The following SLC12A8 variants were observed in gnomAD, a reference collection of about 807,000 sequenced individuals.
The protein encoded by SLC12A8 is solute carrier family 12 member 8.
Under a neutral mutation model 75.6 loss-of-function variants are expected in SLC12A8, and 69 were observed. The ratio of observed to expected loss-of-function variants is 0.91; its 90% CI spans 0.75 to 1.11. The LOEUF (loss-of-function observed/expected upper bound fraction) is 1.11, where lower values mean the gene tolerates loss of function less well. Among genes scored for constraint, SLC12A8 ranks in the 50% most tolerant of loss-of-function variants. SLC12A8 has a pLI of 0.00. For synonymous variants in SLC12A8, 365 were observed against 372.8 expected (o/e 0.98, Z 0.24); for missense variants, 877 against 896.7 (o/e 0.98, Z 0.28).
Position 125,110,182 on chromosome 3 carries a change from TAC to T in SLC12A8, c.1059+5_1059+6del. 1 of 1,606,366 alleles carries T rather than the reference TAC, an allele frequency of 6.2e-7. No individual in the cohort carries two copies. Among genetic ancestry groups the T allele is most frequent in the Admixed American group, 1.7e-5 (1 of 59,042 alleles). On this transcript the variant is annotated splice_donor_5th_base_variant and intron_variant, in intron 9 of 13. Transcript: ENST00000469902. ...AAAAAACAAACCAAAAAAAGAGGATTACTCACCCCTTGTCCCAGACAGGCAAG... is the reference window on the plus strand; with the variant it reads ...AAAAAACAAACCAAAAAAAGAGGATTTCACCCCTTGTCCCAGACAGGCAAG...
At chr3:125,130,300 A>G (rs1319562244) in intron 6 of SLC12A8, among the ~76,000 whole-genome samples, 2 of 152,110 alleles carry the variant, frequency 1.3e-5, no homozygotes, top group African/African-American at 4.8e-5. Context: ...AAAAGTGAAT[A>G]TAGGCCAGGC....
At chr3:125,147,010 C>T (rs1328084151) in intron 5 of SLC12A8, among the ~76,000 whole-genome samples, 4 of 152,162 alleles carry the variant, frequency 2.6e-5, no homozygotes, top group African/African-American at 9.7e-5. Flanking sequence ...CGGGAGTTTG[C>T]CGACGTCTGG....
intron 4 of SLC12A8, among the ~76,000 whole-genome samples, chr3:125,184,692 G>A (rs1934735950): frequency 6.6e-6 from 1 of 151,740 alleles, no homozygotes; most frequent in South Asian, 2.1e-4. Context: ...CCTAGAGGAA[G>A]GAGGAGCTCA....
At chr3:125,104,865 G>A (rs1013873428) in intron 10 of SLC12A8, among the ~76,000 whole-genome samples, 2 of 152,054 alleles carry the variant, frequency 1.3e-5, no homozygotes, top group Non-Finnish European at 2.9e-5. Flanking sequence ...AAATGTAATG[G>A]CGTGACCCCA....
rs546545974 is a variant in SLC12A8, at chr3:125,211,169, G to C, written c.51+130C>G. On this transcript the variant is annotated intron_variant, in intron 2 of 13. Transcript: ENST00000469902. ...GCTATAATATTTTCTCATTGAACTG[G>C]ATGACCAAAATAGACTTTGGAGTTA... 30 of 782,176 alleles carry C rather than the reference G, an allele frequency of 3.8e-5. No homozygotes were observed. In the South Asian group the frequency reaches 4.2e-4, roughly 11 times the overall value. The allele number at this position is 782,176 out of a possible 1,614,324, so 48.5% of individuals were successfully genotyped here. A position where few individuals can be genotyped will look rare whatever the true frequency, so the allele number is the denominator to read the frequency against.
intron 12 of SLC12A8, among the ~76,000 whole-genome samples, chr3:125,091,178 T>G (rs961880186): frequency 6.6e-6 from 1 of 152,232 alleles, no homozygotes; most frequent in East Asian, 1.9e-4. Flanking sequence ...AACAGTATAC[T>G]TTCACTTCAC....
chr3:125,204,498 T>G (rs1261298409), intron 2 of SLC12A8, among the ~76,000 whole-genome samples: 1 of 152,210 alleles, frequency 6.6e-6, no homozygotes, highest in Non-Finnish European at 1.5e-5. Context: ...AGATATCACA[T>G]GTTCTTATCC....
At chr3:125,121,468 T>A (rs1554241) in intron 6 of SLC12A8, among the ~76,000 whole-genome samples, 83,011 of 152,018 alleles carry the variant, frequency 0.55, 23,139 homozygotes, top group Middle Eastern at 0.73. Flanking sequence ...GGGGGTTGTA[T>A]CTTGAATGTG....
chr3:125,096,110 A>G (rs1222216065), intron 10 of SLC12A8, among the ~76,000 whole-genome samples: 1 of 152,056 alleles, frequency 6.6e-6, no homozygotes, highest in African/African-American at 2.4e-5. Flanking sequence ...GCCATTCTTG[A>G]TGAGTTGCCA....
intron 9 of SLC12A8, among the ~76,000 whole-genome samples, chr3:125,108,740 T>G (rs879888246): frequency 6.6e-6 from 1 of 152,202 alleles, no homozygotes; most frequent in Non-Finnish European, 1.5e-5. Context: ...CTTTTGTCTT[T>G]CATTGGGTTT....
At chr3:125,195,894 G>C (rs567608221) in intron 2 of SLC12A8, among the ~76,000 whole-genome samples, 27 of 152,258 alleles carry the variant, frequency 1.8e-4, no homozygotes, top group Admixed American at 1.8e-3. Context: ...CTTAGCAAAA[G>C]GGCAGAGCTT....
At chr3:125,172,816 T>A (rs1416927180) in intron 5 of SLC12A8, among the ~76,000 whole-genome samples, 1 of 152,262 alleles carries the variant, frequency 6.6e-6, no homozygotes, top group Admixed American at 6.5e-5. Flanking sequence ...TCGTTGTTTA[T>A]ATTTAAAGAA....
Position 125,110,231 on chromosome 3 carries a change from G to A in SLC12A8, c.1017C>T (p.Ala339=), listed in dbSNP as rs1239698754. 4 of 1,613,776 alleles carry A rather than the reference G, an allele frequency of 2.5e-6. No individual in the cohort carries two copies. The highest frequency in any genetic ancestry group is 3.3e-5 in the Admixed American group (2 of 59,994). The change falls in exon 9 of 14, where the codon GCC becomes GCT. Residue 339 remains alanine, a synonymous_variant. Coordinates refer to ENST00000469902, the MANE Select transcript of SLC12A8 (RefSeq NM_024628.6). ...YGAPRILQCI[A]QEKVIPALAC... is the part of the protein sequence containing the mutation. ...CAAGTGCAGGGATCACTTTCTCCTG[G>A]GCAATGCACTGCAGGATGCGGGGAG...
intron 6 of SLC12A8, among the ~76,000 whole-genome samples, chr3:125,132,957 T>C (rs972887710): frequency 2.6e-5 from 4 of 151,908 alleles, no homozygotes; most frequent in Non-Finnish European, 5.9e-5. Flanking sequence ...GGGAAGTGGG[T>C]TGTTGCTGAG....
chr3:125,186,003 A>C (rs996000879), intron 4 of SLC12A8, among the ~76,000 whole-genome samples: 1 of 152,212 alleles, frequency 6.6e-6, no homozygotes, highest in Admixed American at 6.5e-5. Flanking sequence ...TCTCAGCAGC[A>C]CAGATGCCTG....
chr3:125,154,229 T>C (rs1457824117), intron 5 of SLC12A8, among the ~76,000 whole-genome samples: 2 of 152,190 alleles, frequency 1.3e-5, no homozygotes, highest in African/African-American at 2.4e-5. Flanking sequence ...GCAAACTGCA[T>C]TTTCAATGCC....
intron 2 of SLC12A8, 38 bp from the exon 3 acceptor site, chr3:125,190,559 T>C (rs1296492170): frequency 5.0e-6 from 8 of 1,608,498 alleles, no homozygotes; most frequent in Non-Finnish European, 6.8e-6. Flanking sequence ...TGAGGGGCCA[T>C]TGGGAGGGCC....
chr3:125,102,535 T>C (rs1330704071), intron 10 of SLC12A8, among the ~76,000 whole-genome samples: 1 of 151,970 alleles, frequency 6.6e-6, no homozygotes, highest in Non-Finnish European at 1.5e-5. Flanking sequence ...GAAGGAGAAA[T>C]GGGATGCGGG....
intron 2 of SLC12A8, among the ~76,000 whole-genome samples, chr3:125,208,144 A>G (rs895933799): frequency 2.6e-5 from 4 of 152,216 alleles, no homozygotes; most frequent in Non-Finnish European, 5.9e-5. Context: ...AGGCCCCTGG[A>G]ACAAGGCTTG....
Sources: gnomAD v4.1 joint callset for allele counts (sites outside exome capture counted in the v4.1 genomes callset) on GRCh38, gnomAD v4.1.1 for gene constraint, MANE v1.5 for transcripts, NCBI Gene and HGNC (gene_info 2026-07-23, HGNC 2026-07-21) for gene names.